Variants in MBD5 observed in about 807,000 individuals in gnomAD.
MBD5 encodes methyl-CpG binding domain protein 5.
A neutral mutation model predicts 117.3 loss-of-function variants in MBD5; 13 were observed. That is an observed-to-expected ratio of 0.11 (90% CI 0.07 to 0.18). The LOEUF (loss-of-function observed/expected upper bound fraction) is 0.18, where lower values mean the gene tolerates loss of function less well. MBD5 is among the 10% of genes least tolerant of loss of function. The pLI, the probability that MBD5 is intolerant of heterozygous loss-of-function variation, is 1.00. For missense variants in MBD5, 1,879 were observed against 2,093.8 expected (o/e 0.90, Z 2.00); for synonymous variants, 727 against 766.4 (o/e 0.95, Z 0.85).
At chr2:148,190,987 A>G (rs367941751) in intron 2 of MBD5, among the ~76,000 whole-genome samples, 1,831 of 150,302 alleles carry the variant, frequency 0.012, 23 homozygotes, top group Middle Eastern at 0.031. Flanking sequence ...CTTTAAACCA[A>G]CACAGATCAA....
intron 9 of MBD5, chr2:148,485,020 G>A (rs1318158849): frequency 6.6e-6 from 1 of 152,118 alleles, no homozygotes; most frequent in Non-Finnish European, 1.5e-5. Context: ...AAGCATTACA[G>A]ATTTACATGT....
intron 3 of MBD5, among the ~76,000 whole-genome samples, chr2:148,276,391 A>G (rs1701115220): frequency 6.6e-6 from 1 of 152,186 alleles, no homozygotes. Flanking sequence ...AACATACTAT[A>G]ATTAATATTA....
At chr2:148,400,712 T>C (rs1280532929) in intron 4 of MBD5, among the ~76,000 whole-genome samples, 1 of 152,206 alleles carries the variant, frequency 6.6e-6, no homozygotes, top group Non-Finnish European at 1.5e-5. Context: ...TTAGCCCTAT[T>C]ATTAACTATA....
chr2:148,198,974 A>C (rs1025388208), intron 2 of MBD5, among the ~76,000 whole-genome samples: 1 of 151,670 alleles, frequency 6.6e-6, no homozygotes, highest in Non-Finnish European at 1.5e-5. Context: ...ATATCTGTGT[A>C]TATTATATAT....
At chr2:148,499,165 T>G (rs1487089655) in intron 11 of MBD5, among the ~76,000 whole-genome samples, 1 of 152,022 alleles carries the variant, frequency 6.6e-6, no homozygotes, top group African/African-American at 2.4e-5. Context: ...AGCTGGGCAT[T>G]GTGGCACACA....
intron 1 of MBD5, among the ~76,000 whole-genome samples, chr2:148,164,619 C>T (rs998310203): frequency 6.6e-6 from 1 of 151,946 alleles, no homozygotes; most frequent in African/African-American, 2.4e-5. Flanking sequence ...TTTTTTTCTA[C>T]AAGACGTTTT....
intron 3 of MBD5, among the ~76,000 whole-genome samples, chr2:148,336,571 G>A (rs976594962): frequency 5.9e-5 from 9 of 152,078 alleles, no homozygotes; most frequent in South Asian, 2.1e-4. Flanking sequence ...ATTTTTGGTA[G>A]AGATGGGGTT....
intron 1 of MBD5, among the ~76,000 whole-genome samples, chr2:148,029,171 T>A (rs1251347085): frequency 6.6e-6 from 1 of 152,130 alleles, no homozygotes; most frequent in African/African-American, 2.4e-5. Flanking sequence ...TTAAGAATAC[T>A]TTTTTTAAAA....
intron 1 of MBD5, among the ~76,000 whole-genome samples, chr2:148,108,800 T>C (rs1055383214): frequency 6.6e-6 from 1 of 152,186 alleles, no homozygotes; most frequent in African/African-American, 2.4e-5. Flanking sequence ...AGCTTGTAAA[T>C]GCCAAAAGTA....
chr2:148,088,032 C>T (rs1695840429), intron 1 of MBD5, among the ~76,000 whole-genome samples: 1 of 151,256 alleles, frequency 6.6e-6, no homozygotes, highest in African/African-American at 2.4e-5. Context: ...AAAAATACAA[C>T]TTCTGGAAAT....
intron 3 of MBD5, among the ~76,000 whole-genome samples, chr2:148,336,490 C>G (rs1574304206): frequency 6.6e-6 from 1 of 152,070 alleles, no homozygotes; most frequent in Non-Finnish European, 1.5e-5. Context: ...GGGCTCAAAC[C>G]ATCCTTCCAT....
intron 2 of MBD5, among the ~76,000 whole-genome samples, chr2:148,231,971 T>C (rs1263270024): frequency 1.3e-5 from 2 of 152,138 alleles, no homozygotes; most frequent in Non-Finnish European, 2.9e-5. Context: ...TTAGCTAGAC[T>C]GGTGAGAGAA....
At chr2:148,211,812 C>T (rs1350772714) in intron 2 of MBD5, among the ~76,000 whole-genome samples, 2 of 152,174 alleles carry the variant, frequency 1.3e-5, no homozygotes, top group Non-Finnish European at 2.9e-5. Flanking sequence ...GTGGTGTAAT[C>T]ATGGATCAGT....
chr2:148,023,471 A>G (rs1417097711), intron 1 of MBD5, among the ~76,000 whole-genome samples: 1 of 152,172 alleles, frequency 6.6e-6, no homozygotes, highest in Admixed American at 6.5e-5. Context: ...CTTCTGTTAT[A>G]AATTTGAACA....
intron 2 of MBD5, among the ~76,000 whole-genome samples, chr2:148,213,983 G>A (rs1312115507): frequency 6.6e-6 from 1 of 152,120 alleles, no homozygotes; most frequent in African/African-American, 2.4e-5. Context: ...CTGACTGAGT[G>A]GCTAAGATGT....
intron 1 of MBD5, among the ~76,000 whole-genome samples, chr2:148,073,379 G>A (rs754744408): frequency 3.7e-4 from 57 of 152,214 alleles, no homozygotes; most frequent in Admixed American, 3.7e-3. Flanking sequence ...ATAAGGGGTG[G>A]TTTTGAAGTT....
At chr2:148,111,514 A>G (rs1253816689) in intron 1 of MBD5, among the ~76,000 whole-genome samples, 1 of 152,174 alleles carries the variant, frequency 6.6e-6, no homozygotes, top group East Asian at 1.9e-4. Flanking sequence ...AGCAAAAACA[A>G]CAAAAGGTTG....
intron 4 of MBD5, among the ~76,000 whole-genome samples, chr2:148,392,683 C>T (rs1024508094): frequency 6.6e-6 from 1 of 152,178 alleles, no homozygotes; most frequent in African/African-American, 2.4e-5. Flanking sequence ...GAGCCAGCCT[C>T]AGCTCTGGCT....
intron 4 of MBD5, among the ~76,000 whole-genome samples, chr2:148,365,327 C>T (rs1703663933): frequency 1.3e-5 from 2 of 152,182 alleles, no homozygotes; most frequent in African/African-American, 4.8e-5. Flanking sequence ...ATCTCTGAGA[C>T]ACAGCCAAAG....
Sources: allele counts gnomAD v4.1 joint callset (sites outside exome capture counted in the v4.1 genomes callset), GRCh38; gene constraint gnomAD v4.1.1; transcripts MANE v1.5; gene names NCBI Gene and HGNC (gene_info 2026-07-23, HGNC 2026-07-21).